Variants in GBA1 observed in about 807,000 individuals in gnomAD.
GBA1 encodes the protein lysosomal acid glucosylceramidase.
the GBA1 span, chr1:155,236,199 G>T: frequency 7.4e-6 from 11 of 1,494,922 alleles, no homozygotes; most frequent in East Asian, 1.1e-4. Flanking sequence ...AAACTAGTAA[G>T]AGGTCTGAGG....
chr1:155,242,524 A>C, the GBA1 span, among the ~76,000 whole-genome samples: 1 of 151,934 alleles, frequency 6.6e-6, no homozygotes, highest in Non-Finnish European at 1.5e-5. Context: ...GCTGGACCCC[A>C]GCCATCCTTT....
At chr1:155,239,916 C>G in the GBA1 span, 1 of 1,614,064 alleles carries the variant, frequency 6.2e-7, no homozygotes, top group South Asian at 1.1e-5. Flanking sequence ...TGGATGGGCC[C>G]CATACTCAGC....
the GBA1 span, among the ~76,000 whole-genome samples, chr1:155,242,985 A>C: frequency 6.6e-6 from 1 of 151,958 alleles, no homozygotes; most frequent in Non-Finnish European, 1.5e-5. Flanking sequence ...TAAATCAATC[A>C]CTCTAAGCCT....
the GBA1 span, chr1:155,238,231 T>G: frequency 1.2e-6 from 2 of 1,613,804 alleles, no homozygotes; most frequent in Non-Finnish European, 1.7e-6. Flanking sequence ...TTGAGCCAAG[T>G]GGGTGATGTC....
At chr1:155,242,133 C>T in the GBA1 span, among the ~76,000 whole-genome samples, 2 of 152,192 alleles carry the variant, frequency 1.3e-5, no homozygotes, top group East Asian at 3.8e-4. Context: ...GCCACAACCT[C>T]AAAGGGTGGT....
At chr1:155,236,169 G>A in the GBA1 span, 1 of 1,263,952 alleles carries the variant, frequency 7.9e-7, no homozygotes, top group South Asian at 1.2e-5. Flanking sequence ...GACAGGAAGG[G>A]CTTCTGTCAG....
chr1:155,242,423 A>G, the GBA1 span, among the ~76,000 whole-genome samples: 14 of 151,840 alleles, frequency 9.2e-5, no homozygotes, highest in East Asian at 1.9e-3. Flanking sequence ...GGGTTTCACT[A>G]TGTTGGCCAG....
the GBA1 span, chr1:155,237,625 G>T: frequency 6.2e-7 from 1 of 1,607,390 alleles, no homozygotes; most frequent in Non-Finnish European, 8.5e-7. Flanking sequence ...AAGTGGACCA[G>T]ACCAGCTGGG....
chr1:155,242,461 G>C, the GBA1 span, among the ~76,000 whole-genome samples: 1 of 151,932 alleles, frequency 6.6e-6, no homozygotes, highest in Non-Finnish European at 1.5e-5. Context: ...GACCTCAGGT[G>C]ATCTGCTGCC....
the GBA1 span, chr1:155,241,114 C>T: frequency 1.2e-5 from 19 of 1,613,832 alleles, no homozygotes; most frequent in Non-Finnish European, 1.5e-5. Context: ...AAACTCCATC[C>T]CCTCAGGGTC....
the GBA1 span, chr1:155,240,037 C>T: frequency 3.7e-6 from 6 of 1,613,766 alleles, no homozygotes; most frequent in South Asian, 2.2e-5. Context: ...CACACACCAC[C>T]GAGCTGTAGC....
the GBA1 span, chr1:155,240,729 A>C: frequency 2.5e-6 from 4 of 1,607,384 alleles, no homozygotes; most frequent in South Asian, 4.4e-5. Flanking sequence ...TGAGGACAGA[A>C]TGAGGAATGA....
At chr1:155,238,596 C>A in the GBA1 span, 1 of 1,613,386 alleles carries the variant, frequency 6.2e-7, no homozygotes, top group Admixed American at 1.7e-5. Context: ...GGTGTAGGTG[C>A]GGATGGAGAA....
chr1:155,240,541 T>C, the GBA1 span: 4 of 1,009,128 alleles, frequency 4.0e-6, no homozygotes. Flanking sequence ...CTACTAAAAG[T>C]CTACCACCAG....
At chr1:155,236,928 G>T in the GBA1 span, among the ~76,000 whole-genome samples, 1 of 151,476 alleles carries the variant, frequency 6.6e-6, no homozygotes, top group African/African-American at 2.4e-5. Context: ...GCAGTGGCGC[G>T]ATCTCGGCTC....
the GBA1 span, chr1:155,239,837 C>A: frequency 6.2e-7 from 1 of 1,613,856 alleles, no homozygotes; most frequent in East Asian, 2.2e-5. Context: ...CACCATTTAC[C>A]TCTAGGAGGA....
chr1:155,238,064 G>A, the GBA1 span: 3 of 1,512,528 alleles, frequency 2.0e-6, no homozygotes, highest in Non-Finnish European at 2.8e-6. Context: ...CTAGGTTGAG[G>A]GTTGGGACAC....
chr1:155,240,727 G>T, the GBA1 span: 5 of 1,606,470 alleles, frequency 3.1e-6, no homozygotes, highest in East Asian at 8.9e-5. Flanking sequence ...CCTGAGGACA[G>T]AATGAGGAAT....
At chr1:155,235,421 C>T in the GBA1 span, 1 of 1,547,288 alleles carries the variant, frequency 6.5e-7, no homozygotes, top group East Asian at 2.4e-5. Context: ...AGAGGCTCTG[C>T]CCTGGCTCTC....
Sources: gnomAD v4.1 joint callset for allele counts (sites outside exome capture counted in the v4.1 genomes callset) on GRCh38, gnomAD v4.1.1 for gene constraint, MANE v1.5 for transcripts, NCBI Gene and HGNC (gene_info 2026-07-23, HGNC 2026-07-21) for gene names.